Variants in ACACA observed in about 807,000 individuals in gnomAD.
ACACA encodes acetyl-CoA carboxylase alpha.
In ACACA, 103 loss-of-function variants were observed where a neutral mutation model predicts 296.1. The ratio of observed to expected loss-of-function variants is 0.35; its 90% CI spans 0.30 to 0.41. The LOEUF (loss-of-function observed/expected upper bound fraction) is 0.41. ACACA is among the 10% of genes least tolerant of loss of function. The pLI is 1.00. For missense variants in ACACA, 1,554 were observed against 2,989.7 expected (o/e 0.52, Z 11.20); for synonymous variants, 953 against 1,038.6 (o/e 0.92, Z 1.58).
chr17:37,297,757 G>C, intron 3 of ACACA, among the ~76,000 whole-genome samples: 1 of 151,786 alleles, frequency 6.6e-6, no homozygotes, highest in East Asian at 1.9e-4. Context: ...CACCATGTTG[G>C]CCAGGCTGGT....
intron 10 of ACACA, among the ~76,000 whole-genome samples, chr17:37,268,741 C>CTATATATATATATATATA (rs71368449): frequency 2.0e-4 from 19 of 94,510 alleles, no homozygotes; most frequent in African/African-American, 6.8e-4. Flanking sequence ...ATCTATCTAT[C>CTATATATATATATATATA]TATATATATA....
At chr17:37,230,341 G>A (rs1310334019) in intron 25 of ACACA, among the ~76,000 whole-genome samples, 1 of 151,116 alleles carries the variant, frequency 6.6e-6, no homozygotes, top group Non-Finnish European at 1.5e-5. Flanking sequence ...CCAAGATCGC[G>A]CCGTTGCACT....
rs767799108 is a variant in ACACA, at chr17:37,221,704, AC to A, written c.3683+19del. ...GTATACCTCTGGCTGGCTCGGGTGCACATACCACCTCAAACTCACCTGTTTG... is the reference window on the plus strand; with the variant it reads ...GTATACCTCTGGCTGGCTCGGGTGCAATACCACCTCAAACTCACCTGTTTG... On this transcript the variant is annotated intron_variant, in intron 29 of 55. Coordinates refer to ENST00000616317, the MANE Select transcript of ACACA (RefSeq NM_198834.3). 17 of 1,588,256 alleles carry A rather than the reference AC, an allele frequency of 1.1e-5. No homozygotes were observed. The South Asian group carries it at 1.7e-4, about 15-fold the overall frequency.
chr17:37,157,343 T>C (rs771856755), intron 42 of ACACA, among the ~76,000 whole-genome samples: 2 of 151,992 alleles, frequency 1.3e-5, no homozygotes, highest in Non-Finnish European at 2.9e-5. Context: ...AGCCAATGTG[T>C]GGAATGGTCA....
At chr17:37,105,014 G>A (rs2073593400) in intron 52 of ACACA, among the ~76,000 whole-genome samples, 1 of 151,012 alleles carries the variant, frequency 6.6e-6, no homozygotes, top group African/African-American at 2.4e-5. Flanking sequence ...GCAGCAGGAG[G>A]CAATTTTTTG....
intron 52 of ACACA, among the ~76,000 whole-genome samples, chr17:37,106,521 A>T (rs2073695359): frequency 6.6e-6 from 1 of 152,172 alleles, no homozygotes; most frequent in South Asian, 2.1e-4. Context: ...TCATATTTTT[A>T]AAAATCATTA....
intron 29 of ACACA, 108 bp downstream of exon 29, chr17:37,221,616 C>T: frequency 2.1e-6 from 2 of 957,330 alleles, no homozygotes; most frequent in African/African-American, 1.6e-5. Context: ...TCATTTTTTG[C>T]CCTACATTTC....
At chr17:37,337,036 G>A (rs895430081) in intron 2 of ACACA, among the ~76,000 whole-genome samples, 1 of 152,134 alleles carries the variant, frequency 6.6e-6, no homozygotes, top group African/African-American at 2.4e-5. Context: ...GAACTTGTTA[G>A]AAGTGCAAAT....
chr17:37,281,195 A>C (rs1052264235), intron 5 of ACACA, among the ~76,000 whole-genome samples: 1 of 151,234 alleles, frequency 6.6e-6, no homozygotes, highest in African/African-American at 2.4e-5. Flanking sequence ...GAGTAGCTGG[A>C]TTTACGGGCA....
intron 1 of ACACA, chr17:37,379,442 AG>A: frequency 6.5e-7 from 1 of 1,542,312 alleles, no homozygotes; most frequent in African/African-American, 1.4e-5. Flanking sequence ...CCTTGAAGGC[AG>A]CCAGAACTCC....
chr17:37,248,638 T>C lies in ACACA; in HGVS notation c.2118A>G (p.Thr706=), dbSNP rs768945138. 3.1e-6 allele frequency: 5 copies of C among 1,611,868 alleles called. No individual in the cohort carries two copies. The African/African-American group carries it at 6.7e-5, about 22-fold the overall frequency. ...QVLPAHTLLN[T]VDVELIYEGV... is the part of the protein sequence containing the mutation. ...CCTCATAGATAAGTTCAACATCTAC[T>C]GTATTCAGAAGTGTATGAGCAGGAA... Residue 706 remains threonine, a synonymous_variant, in exon 17 of 56, where the codon ACA becomes ACG. Coordinates refer to ENST00000616317, the MANE Select transcript of ACACA (RefSeq NM_198834.3).
At position 37,097,941 on chromosome 17, in the gene ACACA, G is replaced by A; in HGVS notation, c.6609C>T (p.Asn2203=). 1 of 1,614,106 alleles carries A rather than the reference G, an allele frequency of 6.2e-7. No individual in the cohort carries two copies. Among genetic ancestry groups the A allele is most frequent in the Non-Finnish European group, 8.5e-7 (1 of 1,180,018 alleles). ...GGAATTCCTCCCGCTCCTTCAACTT[G>A]TTCTCCAACTCCTTCCGCTCAGCTG... ...LSTAERKELE[N]KLKEREEFLI... The change falls in exon 53 of 56, where the codon AAC becomes AAT. Residue 2203 remains asparagine, a synonymous_variant. Transcript: ENST00000616317. This position sits in a 1 kb window ranked among gnomAD's most constrained non-coding sequence, Gnocchi z 4.8.
chr17:37,312,165 T>C (rs2084181934), intron 3 of ACACA, among the ~76,000 whole-genome samples: 1 of 151,922 alleles, frequency 6.6e-6, no homozygotes, highest in South Asian at 2.1e-4. Context: ...TCAGTAAGGA[T>C]ACATGACAAA....
intron 35 of ACACA, among the ~76,000 whole-genome samples, chr17:37,194,317 C>A (rs1341759015): frequency 6.6e-6 from 1 of 152,118 alleles, no homozygotes; most frequent in Non-Finnish European, 1.5e-5. Flanking sequence ...CCTCAATGAG[C>A]TTTAGGAAAT....
chr17:37,154,053 T>C (rs1251006027), intron 43 of ACACA, among the ~76,000 whole-genome samples: 2 of 152,178 alleles, frequency 1.3e-5, no homozygotes, highest in Non-Finnish European at 2.9e-5. Flanking sequence ...GCACCTGTCA[T>C]TGCAGCTACT....
At chr17:37,159,423 T>C (rs1005935209) in intron 42 of ACACA, among the ~76,000 whole-genome samples, 1 of 152,172 alleles carries the variant, frequency 6.6e-6, no homozygotes, top group African/African-American at 2.4e-5. Flanking sequence ...TATTTCGCTA[T>C]GTTAGCCAGG....
At chr17:37,217,260 C>CA (rs34419580) in intron 29 of ACACA, among the ~76,000 whole-genome samples, 4,160 of 42,226 alleles carry the variant, frequency 0.099, 386 homozygotes, top group East Asian at 0.42. Flanking sequence ...AACTCTATCT[C>CA]AAAAAAAAAA....
chr17:37,305,893 T>G (rs796118536), intron 3 of ACACA, among the ~76,000 whole-genome samples: 21 of 111,700 alleles, frequency 1.9e-4, no homozygotes, highest in African/African-American at 4.5e-4. Context: ...ATTTTAGCAG[T>G]TTTTTTTTTT....
chr17:37,253,334 G>A (rs1000322056), intron 14 of ACACA, among the ~76,000 whole-genome samples: 12 of 152,280 alleles, frequency 7.9e-5, no homozygotes, highest in Middle Eastern at 3.4e-3. Flanking sequence ...GGAGCTTGCA[G>A]TGAGCAGAGA....
Sources: allele counts gnomAD v4.1 joint callset (sites outside exome capture counted in the v4.1 genomes callset), GRCh38; gene constraint gnomAD v4.1.1; non-coding constraint Gnocchi (gnomAD v3.1); transcripts MANE v1.5; gene names NCBI Gene and HGNC (gene_info 2026-07-23, HGNC 2026-07-21).